The following ZNF146 variants were observed in gnomAD, a reference collection of about 807,000 sequenced individuals.
ZNF146 encodes the protein zinc finger protein OZF.
A neutral mutation model predicts 22.2 loss-of-function variants in ZNF146; 9 were observed. The ratio of observed to expected loss-of-function variants is 0.41; its 90% CI spans 0.24 to 0.71. ZNF146 has a LOEUF of 0.71. ZNF146 is among the 30% of genes least tolerant of loss of function. ZNF146 has a pLI of 0.34. For synonymous variants in ZNF146, 108 were observed against 119.2 expected, an observed-to-expected ratio of 0.91 and a Z score of 0.61; for missense variants, 194 against 344.8, an observed-to-expected ratio of 0.56 and a Z score of 3.46.
intron 2 of ZNF146, among the ~76,000 whole-genome samples, chr19:36,224,674 TC>T (rs1323284031): frequency 1.3e-5 from 2 of 152,248 alleles, no homozygotes; most frequent in Non-Finnish European, 2.9e-5. Flanking sequence ...TTAGCTTGTC[TC>T]GTTCCAGAGG....
intron 2 of ZNF146, among the ~76,000 whole-genome samples, chr19:36,226,554 C>T (rs1298283275): frequency 2.0e-5 from 3 of 152,178 alleles, no homozygotes; most frequent in Non-Finnish European, 4.4e-5. Flanking sequence ...TTCCTTCTCT[C>T]TTTCTCCAAA....
intron 2 of ZNF146, among the ~76,000 whole-genome samples, chr19:36,223,091 C>G (rs1976922932): frequency 6.6e-6 from 1 of 151,562 alleles, no homozygotes; most frequent in African/African-American, 2.4e-5. Flanking sequence ...ACAGGCAGTG[C>G]ACCACCATGC....
intron 3 of ZNF146, among the ~76,000 whole-genome samples, chr19:36,231,682 C>T (rs2145445107): frequency 6.6e-6 from 1 of 152,216 alleles, no homozygotes; most frequent in Non-Finnish European, 1.5e-5. Context: ...TTTTCAGATC[C>T]AGAGATTACC....
At position 36,237,512 on chromosome 19, in the gene ZNF146, CAG is replaced by C; in HGVS notation, c.*197_*198del. ...CATATGATTAAAACCCTGTGTCCAA[CAG>C]AGAAACCTGCAGCAGAGATAATGGT... On this transcript the variant is annotated 3_prime_UTR_variant, in exon 4 of 4. Coordinates refer to ENST00000443387, the MANE Select transcript of ZNF146 (RefSeq NM_007145.3). The C allele has an allele frequency of 1.8e-6, 1 of 543,818 alleles. No homozygotes were observed. Among genetic ancestry groups the C allele is most frequent in the Non-Finnish European group, 3.0e-6 (1 of 328,062 alleles). 33.7% of individuals were successfully genotyped at this position (543,818 alleles called of 1,614,324 possible). A position where few individuals can be genotyped will look rare whatever the true frequency, so the allele number is the denominator to read the frequency against.
intron 2 of ZNF146, among the ~76,000 whole-genome samples, chr19:36,221,578 G>T (rs1328133301): frequency 6.6e-6 from 1 of 152,126 alleles, no homozygotes; most frequent in Non-Finnish European, 1.5e-5. Flanking sequence ...TTGAGCCACC[G>T]TGCCTGGCCA....
At chr19:36,224,286 C>T (rs766728850) in intron 2 of ZNF146, among the ~76,000 whole-genome samples, 30 of 152,280 alleles carry the variant, frequency 2.0e-4, no homozygotes, top group Non-Finnish European at 3.8e-4. Flanking sequence ...GAGGCTGAGA[C>T]AGGAGAATCG....
chr19:36,216,824 T>A (rs373927834), intron 1 of ZNF146, among the ~76,000 whole-genome samples: 2 of 151,500 alleles, frequency 1.3e-5, no homozygotes, highest in East Asian at 2.0e-4. Context: ...CAACACATTT[T>A]AAATATAAAG....
rs74172797 is a variant in ZNF146 at position 36,221,284 on chromosome 19, CT to C, written c.-855+3111del. Among the ~76,000 whole-genome samples, 380 of 98,672 alleles carry C rather than the reference CT, an allele frequency of 3.9e-3. 1 individual carries two copies. The highest frequency in any genetic ancestry group is 0.02 in the East Asian group (67 of 3,428). 64.7% of individuals were successfully genotyped at this position (98,672 alleles called of 152,430 possible). ...TTGTTGTTTTCAGGTTAAGGGACTG[CT>C]TTTTTTTTTTTTTTTTTTTTTGAGA... On this transcript the variant is annotated intron_variant, in intron 2 of 3. Transcript: ENST00000443387.
chr19:36,218,868 G>A (rs1976722818), intron 2 of ZNF146, among the ~76,000 whole-genome samples: 1 of 151,406 alleles, frequency 6.6e-6, no homozygotes, highest in Admixed American at 6.6e-5. Flanking sequence ...GAGTGCAGTG[G>A]TGCTATCTTG....
At chr19:36,235,138 G>A (rs1977592459) in intron 3 of ZNF146, among the ~76,000 whole-genome samples, 1 of 151,734 alleles carries the variant, frequency 6.6e-6, no homozygotes, top group Non-Finnish European at 1.5e-5. Flanking sequence ...GAACCCAGGA[G>A]GCGGAGGCTG....
chr19:36,216,931 C>T (rs1316773502), intron 1 of ZNF146, among the ~76,000 whole-genome samples: 2 of 151,800 alleles, frequency 1.3e-5, no homozygotes, highest in Non-Finnish European at 2.9e-5. Flanking sequence ...ATAGTGAGAT[C>T]TCCCGTAGTC....
At chr19:36,232,261 A>G (rs997202743) in intron 3 of ZNF146, among the ~76,000 whole-genome samples, 5 of 151,940 alleles carry the variant, frequency 3.3e-5, no homozygotes, top group Non-Finnish European at 7.4e-5. Context: ...TTCTCTTTAT[A>G]AAATTTTTGA....
upstream of ZNF146, chr19:36,214,868 G>A (rs1976527604): frequency 6.6e-6 from 1 of 152,580 alleles, no homozygotes; most frequent in African/African-American, 2.4e-5. Flanking sequence ...GAAGTCATCT[G>A]ACGCTAAAGG....
At chr19:36,226,376 T>C (rs1977067903) in intron 2 of ZNF146, among the ~76,000 whole-genome samples, 1 of 152,230 alleles carries the variant, frequency 6.6e-6, no homozygotes, top group African/African-American at 2.4e-5. Flanking sequence ...TGATCAAGCT[T>C]TTTCAACATA....
chr19:36,233,278 T>G (rs1330644251), intron 3 of ZNF146, among the ~76,000 whole-genome samples: 1 of 151,870 alleles, frequency 6.6e-6, no homozygotes, highest in African/African-American at 2.4e-5. Flanking sequence ...ACTTGGGAGG[T>G]TGAGGCTTCA....
In ZNF146 at chr19:36,236,024, G is replaced by A. The variant is rs149444241; in HGVS notation, c.-417G>A. The A allele has an allele frequency of 3.0e-3, 535 of 175,582 alleles. 2 individuals are homozygous for A. Among genetic ancestry groups the A allele is most frequent in the Middle Eastern group, 8.3e-3 (3 of 362 alleles). 10.9% of individuals were successfully genotyped at this position (175,582 alleles called of 1,614,324 possible). ...CTGTTACCAGAGTGTTCATACTGGA[G>A]AGAAACCCTATGAATTTACTGAATG... On this transcript the variant is annotated 5_prime_UTR_variant, in exon 4 of 4. Coordinates refer to ENST00000443387, the MANE Select transcript of ZNF146 (RefSeq NM_007145.3).
chr19:36,237,414 G>A lies in ZNF146; in HGVS notation c.*95G>A, dbSNP rs986938292. 7.0e-6 allele frequency: 10 copies of A among 1,436,726 alleles called. No individual in the cohort carries two copies. In the African/African-American group the frequency reaches 1.0e-4, roughly 15 times the overall value. The allele number at this position is 1,436,726 out of a possible 1,614,324, so 89.0% of individuals were successfully genotyped here. On this transcript the variant is annotated 3_prime_UTR_variant, in exon 4 of 4. Transcript: ENST00000443387. The stretch of plus-strand genomic sequence containing the variant: ...TAATCCTTCTGAAGCAAAGCACCAC[G>A]AATGAGGTTAACTTTAACAAGTACT...
chr19:36,222,202 G>A (rs150139749), intron 2 of ZNF146, among the ~76,000 whole-genome samples: 1,876 of 152,218 alleles, frequency 0.012, 40 homozygotes, highest in African/African-American at 0.042. Context: ...GGGATTACAA[G>A]TGTGAGCCAC....
intron 3 of ZNF146, among the ~76,000 whole-genome samples, chr19:36,235,164 G>T (rs1157232261): frequency 6.7e-6 from 1 of 150,054 alleles, no homozygotes; most frequent in African/African-American, 2.5e-5. Context: ...AGCCGAGATC[G>T]CACCACTGCA....
Sources: allele counts gnomAD v4.1 joint callset (sites outside exome capture counted in the v4.1 genomes callset), GRCh38; gene constraint gnomAD v4.1.1; transcripts MANE v1.5; gene names NCBI Gene and HGNC (gene_info 2026-07-23, HGNC 2026-07-21).